The following EHBP1 variants were observed in gnomAD, a reference collection of about 807,000 sequenced individuals.
EHBP1 encodes EH domain binding protein 1, also known as EH domain-binding protein 1.
A neutral mutation model predicts 144.0 loss-of-function variants in EHBP1; 55 were observed. The observed-to-expected ratio is 0.38, with a 90% confidence interval of 0.31 to 0.48. The LOEUF is 0.48. EHBP1 is among the 20% of genes least tolerant of loss of function. EHBP1 has a pLI of 0.98. For synonymous variants in EHBP1, 469 were observed against 472.7 expected, an observed-to-expected ratio of 0.99 and a Z score of 0.10; for missense variants, 1,200 against 1,364.2, an observed-to-expected ratio of 0.88 and a Z score of 1.90.
chr2:62,918,057 C>T (rs904979171), intron 10 of EHBP1, among the ~76,000 whole-genome samples: 4 of 152,066 alleles, frequency 2.6e-5, no homozygotes, highest in South Asian at 2.1e-4. Flanking sequence ...CCACCACACC[C>T]GGCTAATTTT....
intron 10 of EHBP1, among the ~76,000 whole-genome samples, chr2:62,889,290 G>A (rs2052232265): frequency 6.6e-6 from 1 of 150,706 alleles, no homozygotes; most frequent in Admixed American, 6.6e-5. Context: ...TATAGATGCT[G>A]GATATTAGAC....
intron 4 of EHBP1, among the ~76,000 whole-genome samples, chr2:62,769,211 G>A (rs894641135): frequency 6.6e-6 from 1 of 152,182 alleles, no homozygotes; most frequent in African/African-American, 2.4e-5. Flanking sequence ...AAGAGAGGAA[G>A]TCAGTTTATC....
At chr2:62,889,609 G>A (rs766644841) in intron 10 of EHBP1, among the ~76,000 whole-genome samples, 16 of 152,070 alleles carry the variant, frequency 1.1e-4, no homozygotes, top group Admixed American at 2.6e-4. Flanking sequence ...TCCATTTTCT[G>A]CATATGGCTA....
At chr2:63,042,652 T>TA (rs1181187354) in intron 21 of EHBP1, among the ~76,000 whole-genome samples, 1 of 152,100 alleles carries the variant, frequency 6.6e-6, no homozygotes, top group African/African-American at 2.4e-5. Flanking sequence ...AGGGAAAAGT[T>TA]AAGATATTTT....
chr2:63,000,659 A>G (rs2059814277), intron 19 of EHBP1, among the ~76,000 whole-genome samples: 1 of 152,098 alleles, frequency 6.6e-6, no homozygotes, highest in African/African-American at 2.4e-5. Flanking sequence ...AGATCACACC[A>G]TTGCACTCTG....
intron 2 of EHBP1, among the ~76,000 whole-genome samples, chr2:62,724,977 G>GATTGGCCATAAA (rs2036610570): frequency 6.6e-6 from 1 of 152,148 alleles, no homozygotes; most frequent in African/African-American, 2.4e-5. Context: ...TAAAGATTGG[G>GATTGGCCATAAA]GACTGCTGAC....
intron 15 of EHBP1, among the ~76,000 whole-genome samples, chr2:62,989,877 T>C (rs371811684): frequency 1.3e-5 from 2 of 152,138 alleles, no homozygotes; most frequent in East Asian, 3.8e-4. Flanking sequence ...TCATCAGATA[T>C]TGTTTAAAAG....
intron 10 of EHBP1, among the ~76,000 whole-genome samples, chr2:62,902,779 A>G (rs2053518639): frequency 1.3e-5 from 2 of 152,188 alleles, no homozygotes; most frequent in African/African-American, 2.4e-5. Flanking sequence ...TATATATGAA[A>G]TATTTTTAAA....
chr2:62,927,622 A>C (rs1282930430), intron 10 of EHBP1, among the ~76,000 whole-genome samples: 2 of 152,202 alleles, frequency 1.3e-5, no homozygotes, highest in East Asian at 3.8e-4. Context: ...CTGAAGCAAA[A>C]ATGGCCAGAA....
rs1261823540 is a variant in EHBP1, at chr2:62,942,810, A to C, written c.1278A>C (p.Arg426=). 2.5e-6 allele frequency: 4 copies of C among 1,613,916 alleles called. No homozygotes were observed. In the East Asian group the frequency reaches 8.9e-5, roughly 36 times the overall value. ...VWCKEVTKNY[R]GVKITNFTTS... is the part of the protein sequence containing the mutation. The stretch of plus-strand genomic sequence containing the variant: ...GTAAAGAAGTTACAAAGAACTACCG[A>C]GGAGTAAAAATCACCAATTTTACTA... Residue 426 remains arginine (R), a synonymous_variant, in exon 11 of 23, where the codon CGA becomes CGC. Transcript: ENST00000431489.
At chr2:63,009,508 T>C (rs1234651835) in intron 19 of EHBP1, among the ~76,000 whole-genome samples, 1 of 151,494 alleles carries the variant, frequency 6.6e-6, no homozygotes, top group Non-Finnish European at 1.5e-5. Flanking sequence ...CTGGGTGAGG[T>C]ATTTTTCTCA....
chr2:62,868,379 T>TA (rs1487333952), intron 9 of EHBP1, among the ~76,000 whole-genome samples: 3 of 151,820 alleles, frequency 2.0e-5, no homozygotes, highest in African/African-American at 7.3e-5. Flanking sequence ...AACTCCACCT[T>TA]AAAAAACAAA....
intron 1 of EHBP1, among the ~76,000 whole-genome samples, chr2:62,696,614 T>C (rs1044686543): frequency 6.5e-5 from 9 of 139,316 alleles, no homozygotes; most frequent in South Asian, 2.4e-4. Flanking sequence ...CCCGGGTTCA[T>C]GCCATTCTCC....
intron 10 of EHBP1, among the ~76,000 whole-genome samples, chr2:62,884,718 A>C (rs2051773256): frequency 6.6e-6 from 1 of 152,236 alleles, no homozygotes; most frequent in Admixed American, 6.5e-5. Flanking sequence ...ATGGAAGCCA[A>C]GAATGCAGTT....
intron 10 of EHBP1, 85 bp from the exon 11 acceptor site, chr2:62,942,633 C>T (rs2056825888): frequency 8.1e-7 from 1 of 1,227,446 alleles, no homozygotes; most frequent in Non-Finnish European, 1.1e-6. Flanking sequence ...TCAAAGGGTT[C>T]AAATGATCTG....
Position 62,820,175 on chromosome 2 carries a change from C to T in EHBP1, c.313-5912C>T, listed in dbSNP as rs902455370. Reference sequence around the variant, plus strand: ...GCAGTGAAATGAGATCGTGCCAATGCGCTCTAGCCTGGGCAACAAGAGTGA... The same window carrying T: ...GCAGTGAAATGAGATCGTGCCAATGTGCTCTAGCCTGGGCAACAAGAGTGA... On this transcript the variant is annotated intron_variant, in intron 5 of 22. Coordinates refer to ENST00000431489, the MANE Select transcript of EHBP1 (RefSeq NM_001142616.3). Among the ~76,000 whole-genome samples, 7 of 143,836 alleles carry T rather than the reference C, an allele frequency of 4.9e-5. No individual in the cohort carries two copies. The South Asian group carries it at 1.3e-3, about 27-fold the overall frequency. 94.4% of individuals were successfully genotyped at this position (143,836 alleles called of 152,430 possible). A position where few individuals can be genotyped will look rare whatever the true frequency, so the allele number is the denominator to read the frequency against.
chr2:63,043,286 A>G (rs142732712), intron 21 of EHBP1, among the ~76,000 whole-genome samples: 32 of 152,288 alleles, frequency 2.1e-4, no homozygotes, highest in African/African-American at 5.8e-4. Flanking sequence ...CTGCTCTTCA[A>G]TTTTGCTGTT....
intron 2 of EHBP1, among the ~76,000 whole-genome samples, chr2:62,718,423 A>G (rs1485428030): frequency 6.6e-6 from 1 of 152,254 alleles, no homozygotes; most frequent in Non-Finnish European, 1.5e-5. Flanking sequence ...AGCGGCCACC[A>G]TCTTGGATAG....
chr2:62,752,233 G>A (rs190962586), intron 3 of EHBP1, among the ~76,000 whole-genome samples: 8 of 152,110 alleles, frequency 5.3e-5, no homozygotes, highest in African/African-American at 1.4e-4. Context: ...CCTTCATTTC[G>A]TTACGTACCC....
Sources: allele counts gnomAD v4.1 joint callset (sites outside exome capture counted in the v4.1 genomes callset), GRCh38; gene constraint gnomAD v4.1.1; transcripts MANE v1.5; gene names NCBI Gene and HGNC (gene_info 2026-07-23, HGNC 2026-07-21).